ZNF678: variants seen among roughly 807,000 people sequenced by gnomAD.
ZNF678 encodes hypothetical protein MGC42493.
Under a neutral mutation model 3.0 loss-of-function variants are expected in ZNF678, and 5 were observed. The observed-to-expected ratio is 1.69, with a 90% CI of 0.88 to 3.56. ZNF678 has a LOEUF of 3.56. Ranked by LOEUF, ZNF678 falls within the 30% of genes most tolerant of loss-of-function variation. The probability of loss-of-function intolerance (pLI) is 0.00; values close to 1 mark genes in which losing one functional copy is unlikely to be tolerated. For missense variants in ZNF678, 593 were observed against 605.0 expected, an observed-to-expected ratio of 0.98 and a Z score of 0.21; for synonymous variants, 218 against 199.6, an observed-to-expected ratio of 1.09 and a Z score of -0.78.
At position 227,654,105 on chromosome 1, in the gene ZNF678, A is replaced by T. The variant is rs1335949908; in HGVS notation, c.86-231A>T. 2.0e-5 allele frequency among the ~76,000 whole-genome samples: 3 copies of T among 152,176 alleles called. No homozygotes were observed. The South Asian group carries it at 6.2e-4, about 32-fold the overall frequency. Reference sequence around the variant, plus strand: ...ACTTTCTATTCTACATGGATTTTGCAATTGTGCTCACCTAGGGTGTTGCAA... The same window carrying T: ...ACTTTCTATTCTACATGGATTTTGCTATTGTGCTCACCTAGGGTGTTGCAA... On this transcript the variant is annotated intron_variant, in intron 3 of 3. Transcript: ENST00000343776.
chr1:227,663,515 C>T (rs992514898), downstream of ZNF678, among the ~76,000 whole-genome samples: 5 of 152,278 alleles, frequency 3.3e-5, no homozygotes, highest in Non-Finnish European at 5.9e-5. Flanking sequence ...GGTTAACCCC[C>T]GGCTCCCCTT....
intron 5 of ZNF678, among the ~76,000 whole-genome samples, chr1:227,676,970 C>T (rs539881962): frequency 2.6e-5 from 4 of 152,120 alleles, no homozygotes; most frequent in South Asian, 4.2e-4. Flanking sequence ...TGAATAGTGC[C>T]GCAATAAATA....
downstream of ZNF678, among the ~76,000 whole-genome samples, chr1:227,678,659 T>C (rs966159028): frequency 2.6e-5 from 4 of 152,138 alleles, no homozygotes; most frequent in South Asian, 4.1e-4. Context: ...TTTAGTCCAA[T>C]TGGCCATTCC....
chr1:227,568,142 T>C (rs532108881), intron 1 of ZNF678, among the ~76,000 whole-genome samples: 1 of 152,242 alleles, frequency 6.6e-6, no homozygotes, highest in Admixed American at 6.5e-5. Flanking sequence ...AGCTAACCCA[T>C]TTATGCCTAG....
intron 1 of ZNF678, among the ~76,000 whole-genome samples, chr1:227,625,421 G>A (rs1658385903): frequency 6.6e-6 from 1 of 152,184 alleles, no homozygotes; most frequent in African/African-American, 2.4e-5. Flanking sequence ...CATCAACATT[G>A]GAGCATGGGC....
At chr1:227,633,975 C>T (rs1026424178) in intron 1 of ZNF678, among the ~76,000 whole-genome samples, 5 of 152,216 alleles carry the variant, frequency 3.3e-5, no homozygotes, top group East Asian at 1.9e-4. Flanking sequence ...CTTCCTTCCA[C>T]TTGAGGTGAG....
intron 1 of ZNF678, among the ~76,000 whole-genome samples, chr1:227,580,338 T>G (rs1235776877): frequency 6.6e-6 from 1 of 152,082 alleles, no homozygotes; most frequent in Non-Finnish European, 1.5e-5. Flanking sequence ...CTTTTTAAAA[T>G]AAAGCAAAAT....
rs980839160 is a variant in ZNF678, at chr1:227,657,046, A to T, written c.*1218A>T. The T allele has an allele frequency of 1.3e-5, 2 of 151,642 alleles. No individual in the cohort carries two copies. The highest frequency in any genetic ancestry group is 1.3e-4 in the Admixed American group (2 of 15,194). The allele number at this position is 151,642 out of a possible 1,614,324, so 9.4% of individuals were successfully genotyped here. ...ATATGCTTTGGTTTTTTTGTGCCTTACCTCATGTTGAAATGTGTTCCCCCA... is the reference window on the plus strand; with the variant it reads ...ATATGCTTTGGTTTTTTTGTGCCTTTCCTCATGTTGAAATGTGTTCCCCCA... On this transcript the variant is annotated 3_prime_UTR_variant, in exon 4 of 4. Coordinates refer to ENST00000343776, the MANE Select transcript of ZNF678 (RefSeq NM_001367909.1).
intron 1 of ZNF678, among the ~76,000 whole-genome samples, chr1:227,581,635 T>G (rs1017270895): frequency 6.6e-6 from 1 of 152,242 alleles, no homozygotes; most frequent in African/African-American, 2.4e-5. Context: ...CTGTATTGTA[T>G]TCCATTGTAT....
intron 2 of ZNF678, among the ~76,000 whole-genome samples, chr1:227,650,309 T>C (rs1185969114): frequency 6.6e-6 from 1 of 152,190 alleles, no homozygotes; most frequent in Non-Finnish European, 1.5e-5. Flanking sequence ...TAAAGATTCA[T>C]TGAACTTATA....
At position 227,657,206 on chromosome 1, in the gene ZNF678, C is replaced by T. The variant is rs1168196048; in HGVS notation, c.*1378C>T. 1.3e-5 allele frequency: 2 copies of T among 151,856 alleles called. No homozygotes were observed. The highest frequency in any genetic ancestry group is 6.6e-5 in the Admixed American group (1 of 15,212). 9.4% of individuals were successfully genotyped at this position (151,856 alleles called of 1,614,324 possible). A position where few individuals can be genotyped will look rare whatever the true frequency, so the allele number is the denominator to read the frequency against. Reference sequence around the variant, plus strand: ...GAAAGCTGGTTGTTAAAAACAAAAACAAACAAACAAAAAACTGATATTCCT... The same window carrying T: ...GAAAGCTGGTTGTTAAAAACAAAAATAAACAAACAAAAAACTGATATTCCT... On this transcript the variant is annotated 3_prime_UTR_variant, in exon 4 of 4. Transcript: ENST00000343776.
In ZNF678 at chr1:227,655,317, G is replaced by C. The variant is rs996634677; in HGVS notation, c.1067G>C (p.Arg356Thr). ...EKPYKCEECG[R>T]TFTQFSNLTQ... is the part of the protein sequence containing the mutation. Reference sequence around the variant, plus strand: ...CCCTACAAATGTGAAGAATGTGGCAGAACCTTTACTCAATTCTCAAACCTC... The same window carrying C: ...CCCTACAAATGTGAAGAATGTGGCACAACCTTTACTCAATTCTCAAACCTC... Residue 356 changes from arginine (R) to threonine (T), a missense_variant, in exon 4 of 4, where the codon AGA (arginine) becomes ACA (threonine). Transcript: ENST00000343776. 6.3e-7 allele frequency: 1 copy of C among 1,600,000 alleles called. No individual in the cohort carries two copies.
At chr1:227,673,161 A>C (rs1659628495) in intron 5 of ZNF678, among the ~76,000 whole-genome samples, 1 of 152,146 alleles carries the variant, frequency 6.6e-6, no homozygotes, top group South Asian at 2.1e-4. Flanking sequence ...TCCACCTTGC[A>C]CTTACTTGGG....
intron 1 of ZNF678, among the ~76,000 whole-genome samples, chr1:227,645,149 G>A (rs917853143): frequency 1.3e-5 from 2 of 152,212 alleles, no homozygotes; most frequent in African/African-American, 4.8e-5. Context: ...GAAGAAACAG[G>A]AGAGTAGCTT....
chr1:227,678,421 G>C (rs571817318), downstream of ZNF678, among the ~76,000 whole-genome samples: 7 of 152,320 alleles, frequency 4.6e-5, no homozygotes, highest in South Asian at 1.5e-3. Context: ...CAATATCCTT[G>C]TTCTCTATAG....
intron 1 of ZNF678, among the ~76,000 whole-genome samples, chr1:227,636,537 C>A (rs980942254): frequency 6.6e-6 from 1 of 152,184 alleles, no homozygotes; most frequent in South Asian, 2.1e-4. Flanking sequence ...AGTGCAATAA[C>A]CCCATGAATC....
intron 1 of ZNF678, among the ~76,000 whole-genome samples, chr1:227,593,118 A>G (rs1055442406): frequency 6.6e-6 from 1 of 152,200 alleles, no homozygotes; most frequent in Non-Finnish European, 1.5e-5. Flanking sequence ...GCTTGGCATG[A>G]CTTACTACTC....
chr1:227,649,770 TAGTC>T (rs1423268523), intron 2 of ZNF678, among the ~76,000 whole-genome samples: 1 of 152,378 alleles, frequency 6.6e-6, no homozygotes, highest in African/African-American at 2.4e-5. Context: ...TGATTGGTGA[TAGTC>T]AGCCCTCTGA....
chr1:227,660,325 T>C lies in ZNF678; in HGVS notation c.*4497T>C, dbSNP rs1420526713. ...TATGTTAAATATATACATCATTTTGTGTAACATAGACTTTTTAGCAATATT... is the reference window on the plus strand; with the variant it reads ...TATGTTAAATATATACATCATTTTGCGTAACATAGACTTTTTAGCAATATT... On this transcript the variant is annotated 3_prime_UTR_variant, in exon 4 of 4. Coordinates refer to ENST00000343776, the MANE Select transcript of ZNF678 (RefSeq NM_001367909.1). The C allele has an allele frequency of 6.6e-6, 1 of 151,874 alleles. No individual in the cohort carries two copies. The highest frequency in any genetic ancestry group is 1.5e-5 in the Non-Finnish European group (1 of 67,946). 9.4% of individuals were successfully genotyped at this position (151,874 alleles called of 1,614,324 possible).
Sources: gnomAD v4.1 joint callset for allele counts (sites outside exome capture counted in the v4.1 genomes callset) on GRCh38, gnomAD v4.1.1 for gene constraint, MANE v1.5 for transcripts, NCBI Gene and HGNC (gene_info 2026-07-23, HGNC 2026-07-21) for gene names.